The following WWOX variants were observed in gnomAD, a reference collection of about 807,000 sequenced individuals.
WWOX encodes WW domain containing oxidoreductase.
A neutral mutation model predicts 46.2 loss-of-function variants in WWOX; 69 were observed. That is an observed-to-expected ratio of 1.49 (90% CI 1.23 to 1.82). The LOEUF is 1.82. Among genes scored for constraint, WWOX ranks in the 40% most tolerant of loss-of-function variants. WWOX has a pLI of 0.00. For synonymous variants in WWOX, 359 were observed against 202.6 expected, an observed-to-expected ratio of 1.77 and a Z score of -6.56; for missense variants, 919 against 542.6, an observed-to-expected ratio of 1.69 and a Z score of -6.89.
rs112220047 is a variant in WWOX, at chr16:79,155,152, C to T, written c.1057-56456C>T. ...CAGCACTTTGGGAGGCCGAGGCAGG[C>T]AGATCATGAAGTCAAGAGATGGAAA... On this transcript the variant is annotated intron_variant, in intron 8 of 8. Transcript: ENST00000566780. 7.8e-3 allele frequency among the ~76,000 whole-genome samples: 1,184 copies of T among 152,114 alleles called. 12 individuals carry two copies. The highest frequency in any genetic ancestry group is 0.027 in the African/African-American group (1,117 of 41,518).
chr16:78,170,886 G>A (rs959979976), intron 5 of WWOX, among the ~76,000 whole-genome samples: 7 of 152,360 alleles, frequency 4.6e-5, no homozygotes, highest in South Asian at 2.1e-4. Flanking sequence ...GAATGTGCAT[G>A]TTTTAGGGAG....
chr16:78,292,789 G>T (rs1487042666), intron 5 of WWOX, among the ~76,000 whole-genome samples: 1 of 152,180 alleles, frequency 6.6e-6, no homozygotes, highest in Non-Finnish European at 1.5e-5. Flanking sequence ...GATTCACACA[G>T]ATCTTATTTG....
At chr16:78,256,376 A>C (rs1321345669) in intron 5 of WWOX, among the ~76,000 whole-genome samples, 2 of 151,802 alleles carry the variant, frequency 1.3e-5, no homozygotes, top group Admixed American at 1.3e-4. Flanking sequence ...TCTCACTGTA[A>C]TCTCTCTGAC....
chr16:78,400,477 C>G (rs920580124), intron 6 of WWOX, among the ~76,000 whole-genome samples: 2 of 152,174 alleles, frequency 1.3e-5, no homozygotes, highest in African/African-American at 4.8e-5. Flanking sequence ...TGTAATTGTT[C>G]TGCATTGTGG....
intron 8 of WWOX, among the ~76,000 whole-genome samples, chr16:79,001,209 G>A (rs1167307989): frequency 6.6e-6 from 1 of 152,166 alleles, no homozygotes; most frequent in Non-Finnish European, 1.5e-5. Flanking sequence ...GCAGTCTCGA[G>A]GAACGGAGGC....
chr16:78,703,918 T>C (rs532795096), intron 8 of WWOX, among the ~76,000 whole-genome samples: 4 of 152,238 alleles, frequency 2.6e-5, no homozygotes, highest in African/African-American at 4.8e-5. Flanking sequence ...GAACTTATTA[T>C]TTTTAAAAAC....
At chr16:78,474,769 G>C (rs2084316127) in intron 8 of WWOX, among the ~76,000 whole-genome samples, 1 of 152,072 alleles carries the variant, frequency 6.6e-6, no homozygotes, top group Non-Finnish European at 1.5e-5. Context: ...CGAACCGCTA[G>C]TCTGCTCTTC....
chr16:79,182,655 C>T (rs1402388457), intron 8 of WWOX, among the ~76,000 whole-genome samples: 1 of 152,180 alleles, frequency 6.6e-6, no homozygotes, highest in Admixed American at 6.5e-5. Flanking sequence ...GACCCCTCCT[C>T]TTGCAAGCTT....
chr16:78,635,592 A>G (rs1383846216), intron 8 of WWOX, among the ~76,000 whole-genome samples: 1 of 152,118 alleles, frequency 6.6e-6, no homozygotes, highest in South Asian at 2.1e-4. Context: ...CAAAATGAAG[A>G]TGTTGGTTAT....
chr16:78,562,271 A>G (rs373758300), intron 8 of WWOX, among the ~76,000 whole-genome samples: 1 of 152,198 alleles, frequency 6.6e-6, no homozygotes, highest in Non-Finnish European at 1.5e-5. Flanking sequence ...CTCACACTGC[A>G]TGCAGAATTC....
intron 6 of WWOX, among the ~76,000 whole-genome samples, chr16:78,407,444 A>C (rs2082574027): frequency 6.6e-6 from 1 of 152,214 alleles, no homozygotes; most frequent in African/African-American, 2.4e-5. Context: ...CTTAACATTC[A>C]GAAGAGTGTT....
At chr16:78,882,468 C>A in intron 8 of WWOX, among the ~76,000 whole-genome samples, 1 of 145,018 alleles carries the variant, frequency 6.9e-6, no homozygotes, top group South Asian at 2.3e-4. Flanking sequence ...GTTAACACAC[C>A]ATACATCTTT....
At chr16:78,988,139 T>G (rs943998113) in intron 8 of WWOX, among the ~76,000 whole-genome samples, 1 of 151,908 alleles carries the variant, frequency 6.6e-6, no homozygotes, top group Non-Finnish European at 1.5e-5. Flanking sequence ...GGTCAGGAGT[T>G]TGAGACCAGT....
At chr16:78,752,841 C>G (rs1321555221) in intron 8 of WWOX, among the ~76,000 whole-genome samples, 1 of 152,186 alleles carries the variant, frequency 6.6e-6, no homozygotes, top group Admixed American at 6.5e-5. Context: ...CCTAGCTGGC[C>G]AGGAATTCCA....
At chr16:78,464,599 G>A (rs994576466) in intron 8 of WWOX, among the ~76,000 whole-genome samples, 5 of 152,178 alleles carry the variant, frequency 3.3e-5, no homozygotes, top group Non-Finnish European at 7.3e-5. Context: ...TAGAGGCTAT[G>A]TCAGAAGCAA....
intron 8 of WWOX, among the ~76,000 whole-genome samples, chr16:78,819,386 T>A (rs1277512151): frequency 6.6e-6 from 1 of 152,232 alleles, no homozygotes; most frequent in Non-Finnish European, 1.5e-5. Flanking sequence ...CAGTGTGTCA[T>A]GTCAGTTTAC....
chr16:78,904,699 T>C (rs1344431815), intron 8 of WWOX, among the ~76,000 whole-genome samples: 1 of 152,308 alleles, frequency 6.6e-6, no homozygotes, highest in African/African-American at 2.4e-5. Flanking sequence ...GTAATTATGC[T>C]GGGACAATAG....
chr16:78,895,012 C>G (rs570668973), intron 8 of WWOX, among the ~76,000 whole-genome samples: 4 of 152,158 alleles, frequency 2.6e-5, no homozygotes, highest in Non-Finnish European at 4.4e-5. Context: ...ATCATGCCGC[C>G]GGGCACCGGT....
intron 5 of WWOX, among the ~76,000 whole-genome samples, chr16:78,212,454 A>G (rs1369911322): frequency 6.6e-6 from 1 of 152,080 alleles, no homozygotes; most frequent in Non-Finnish European, 1.5e-5. Flanking sequence ...TGGAGGAACA[A>G]CCCCTTCTTT....
Sources: allele counts gnomAD v4.1 joint callset (sites outside exome capture counted in the v4.1 genomes callset), GRCh38; gene constraint gnomAD v4.1.1; transcripts MANE v1.5; gene names NCBI Gene and HGNC (gene_info 2026-07-23, HGNC 2026-07-21).